AKNA: variants seen among roughly 807,000 people sequenced by gnomAD.
The protein encoded by AKNA is AT-hook transcription factor, also known as microtubule organization protein AKNA.
Under a neutral mutation model 138.8 loss-of-function variants are expected in AKNA, and 67 were observed. That is an observed-to-expected ratio of 0.48 (90% CI 0.40 to 0.59). The LOEUF is 0.59. Among genes scored for constraint, AKNA ranks in the 20% least tolerant of loss-of-function variants. The pLI is 0.00. For missense variants in AKNA, 1,813 were observed against 1,880.4 expected, an observed-to-expected ratio of 0.96 and a Z score of 0.66; for synonymous variants, 737 against 754.4, an observed-to-expected ratio of 0.98 and a Z score of 0.38.
intron 20 of AKNA, 35 bp from the exon 21 acceptor site, chr9:114,341,760 C>T: frequency 6.5e-7 from 1 of 1,531,866 alleles, no homozygotes; most frequent in Non-Finnish European, 8.7e-7. Context: ...GAGACAGAGT[C>T]TGACCACTTG....
Position 114,357,973 on chromosome 9 carries a change from G to A in AKNA, c.2687C>T (p.Ser896Phe). ...SMTSLEGSGI[S>F]ERLPQKPLHR... is the part of the protein sequence containing the mutation. ...CAAAGGCTTCTGTGGAAGGCGCTCA[G>A]AGATGCCGCTTCCCTCCAGGCTGGT... The change falls in exon 12 of 22, where the codon TCT becomes TTT. Residue 896 changes from serine (S) to phenylalanine (F), a missense_variant. Ser to Phe is a radical substitution (Grantham distance 155). Transcript: ENST00000374088. 1 of 1,603,958 alleles carries A rather than the reference G, an allele frequency of 6.2e-7. No individual in the cohort carries two copies.
Position 114,358,155 on chromosome 9 carries a change from C to T in AKNA, c.2505G>A (p.Glu835=), listed in dbSNP as rs761158600. The part of the protein sequence containing the change: ...SHGAPLEEAT[E]KMVSMKPPGF... ...CTGGTGGCTTCATAGATACCATCTTCTCCGTGGCCTCCCTGGCATGGGAAG... is the reference window on the plus strand; with the variant it reads ...CTGGTGGCTTCATAGATACCATCTTTTCCGTGGCCTCCCTGGCATGGGAAG... Residue 835 remains glutamate, a synonymous_variant, in exon 12 of 22, where the codon GAG becomes GAA. Transcript: ENST00000374088. 6.2e-7 allele frequency: 1 copy of T among 1,613,944 alleles called. No individual in the cohort carries two copies. The highest frequency in any genetic ancestry group is 1.3e-5 in the African/African-American group (1 of 74,946).
At chr9:114,352,045 C>T (rs560885534) in intron 14 of AKNA, among the ~76,000 whole-genome samples, 1 of 152,140 alleles carries the variant, frequency 6.6e-6, no homozygotes, top group South Asian at 2.1e-4. Context: ...AAATGGAGAA[C>T]AGATTAGTGC....
chr9:114,386,357 G>A (rs995372218), intron 1 of AKNA, among the ~76,000 whole-genome samples: 2 of 152,216 alleles, frequency 1.3e-5, no homozygotes, highest in Non-Finnish European at 2.9e-5. Flanking sequence ...GGAGAAGACT[G>A]GGGAGGGCAT....
At position 114,381,359 on chromosome 9, in the gene AKNA, G is replaced by C; in HGVS notation, c.-26C>G. Reference sequence around the variant, plus strand: ...TGGGGCTGGCCTGGGCTTCACCTGGGCCACTTCATCTTCAGGAGACAGAGC... The same window carrying C: ...TGGGGCTGGCCTGGGCTTCACCTGGCCCACTTCATCTTCAGGAGACAGAGC... On this transcript the variant is annotated 5_prime_UTR_variant, in exon 2 of 22. Transcript: ENST00000374088. 6.6e-7 allele frequency: 1 copy of C among 1,524,794 alleles called. No individual in the cohort carries two copies. The highest frequency in any genetic ancestry group is 8.8e-7 in the Non-Finnish European group (1 of 1,136,922). The allele number at this position is 1,524,794 out of a possible 1,614,324, so 94.5% of individuals were successfully genotyped here. A position where few individuals can be genotyped will look rare whatever the true frequency, so the allele number is the denominator to read the frequency against.
intron 2 of AKNA, 129 bp from the exon 3 acceptor site, chr9:114,377,661 G>A: frequency 1.0e-6 from 1 of 981,492 alleles, no homozygotes; most frequent in Non-Finnish European, 1.5e-6. Flanking sequence ...ATCCCAAGGT[G>A]GTGGTAGACT....
chr9:114,360,173 T>A, intron 9 of AKNA, 111 bp from the exon 10 acceptor site: 1 of 1,321,484 alleles, frequency 7.6e-7, no homozygotes, highest in Non-Finnish European at 1.1e-6. Context: ...AGAAGCACAT[T>A]AGACTCACTA....
At position 114,368,419 on chromosome 9, in the gene AKNA, A is replaced by G; in HGVS notation, c.1573+20T>C. The stretch of plus-strand genomic sequence containing the variant: ...CCAGGCAGAAGGAGCCTCCAGCTGC[A>G]GCTCTTCTCCCGGACTCACCTGAGG... On this transcript the variant is annotated intron_variant, in intron 5 of 21. Coordinates refer to ENST00000374088, the MANE Select transcript of AKNA (RefSeq NM_001317950.2). 1 of 1,313,066 alleles carries G rather than the reference A, an allele frequency of 7.6e-7. No individual in the cohort carries two copies. The highest frequency in any genetic ancestry group is 9.8e-7 in the Non-Finnish European group (1 of 1,022,884). The allele number at this position is 1,313,066 out of a possible 1,614,324, so 81.3% of individuals were successfully genotyped here.
Position 114,341,592 on chromosome 9 carries a change from G to T in AKNA, c.4008C>A (p.Ala1336=), listed in dbSNP as rs768891414. ...WYLATAPPAP[A]PPAFAYISSV... ...AGGAGATGTAGGCAAAGGCTGGAGG[G>T]GCTGGTGCTGGGGGCGCTGTTGCCA... Residue 1336 remains alanine (A), a synonymous_variant, in exon 21 of 22, where the codon GCC becomes GCA. Coordinates refer to ENST00000374088, the MANE Select transcript of AKNA (RefSeq NM_001317950.2). The T allele has an allele frequency of 3.3e-5, 53 of 1,613,988 alleles. No homozygotes were observed. Among genetic ancestry groups the T allele is most frequent in the Non-Finnish European group, 4.5e-5 (53 of 1,180,004 alleles).
At chr9:114,356,526 T>C (rs1831514172) in intron 13 of AKNA, among the ~76,000 whole-genome samples, 1 of 152,192 alleles carries the variant, frequency 6.6e-6, no homozygotes, top group Non-Finnish European at 1.5e-5. Flanking sequence ...TTGGGTTCCA[T>C]GTAGCCACCC....
chr9:114,387,291 T>A (rs1834105339), intron 1 of AKNA, among the ~76,000 whole-genome samples: 1 of 152,184 alleles, frequency 6.6e-6, no homozygotes, highest in Admixed American at 6.5e-5. Context: ...GTGTCCTCCC[T>A]GCCCCCAGCC....
chr9:114,330,557 C>G (rs112599631), downstream of AKNA: 5,902 of 1,612,784 alleles, frequency 3.7e-3, 275 homozygotes, highest in African/African-American at 0.068. Context: ...CACGATCTTT[C>G]TCAGAGAGTA....
At chr9:114,349,155 G>A (rs540837965) in intron 15 of AKNA, among the ~76,000 whole-genome samples, 1 of 152,316 alleles carries the variant, frequency 6.6e-6, no homozygotes, top group African/African-American at 2.4e-5. Context: ...GAAATGGAGA[G>A]CTCCGCCTCC....
At chr9:114,388,022 C>T (rs1886377), upstream of AKNA, 63,896 of 307,868 alleles carry the variant, frequency 0.21, 7,528 homozygotes, top group Middle Eastern at 0.29. Context: ...CATCGCTCCC[C>T]ACCTCTCCCC....
At chr9:114,356,736 G>C in intron 13 of AKNA, 127 bp downstream of exon 13, 1 of 805,584 alleles carries the variant, frequency 1.2e-6, no homozygotes, top group Non-Finnish European at 1.9e-6. Context: ...TCACGGTTAG[G>C]GGATGAAATG....
In AKNA at chr9:114,379,625, A is replaced by C. The variant is rs142194560; in HGVS notation, c.274+1435T>G. On this transcript the variant is annotated intron_variant, in intron 2 of 21. Coordinates refer to ENST00000374088, the MANE Select transcript of AKNA (RefSeq NM_001317950.2). The stretch of plus-strand genomic sequence containing the variant: ...TGCGGGAGTCACAGGACCCTAAAAC[A>C]GGGGCATCTTGCTCATAATCTAAGT... Among the ~76,000 whole-genome samples, 52 of 152,344 alleles carry C rather than the reference A, an allele frequency of 3.4e-4. No homozygotes were observed. The East Asian group carries it at 9.6e-3, about 28-fold the overall frequency.
intron 20 of AKNA, 39 bp downstream of exon 20, chr9:114,341,970 G>C (rs749285151): frequency 6.4e-7 from 1 of 1,566,196 alleles, no homozygotes; most frequent in African/African-American, 1.4e-5. Context: ...AAGGAGAGCT[G>C]AGGGTCTGGC....
intron 14 of AKNA, among the ~76,000 whole-genome samples, chr9:114,352,698 G>A (rs1472749693): frequency 2.0e-5 from 3 of 151,946 alleles, no homozygotes; most frequent in East Asian, 1.9e-4. Context: ...CGAGGCGGGC[G>A]GGTCACAAGG....
At chr9:114,366,339 T>C (rs1422235414) in intron 6 of AKNA, among the ~76,000 whole-genome samples, 1 of 150,572 alleles carries the variant, frequency 6.6e-6, no homozygotes, top group East Asian at 1.9e-4. Context: ...CCAACAAGGA[T>C]TAACTTTGAA....
Sources: gnomAD v4.1 joint callset for allele counts (sites outside exome capture counted in the v4.1 genomes callset) on GRCh38, gnomAD v4.1.1 for gene constraint, MANE v1.5 for transcripts, NCBI Gene and HGNC (gene_info 2026-07-23, HGNC 2026-07-21) for gene names.